Variants in TMEM74 observed in about 807,000 individuals in gnomAD.
The protein encoded by TMEM74 is transmembrane protein 74.
TMEM74 carries 13 observed loss-of-function variants against 18.1 expected under a neutral mutation model. The observed-to-expected ratio is 0.72, with a 90% CI of 0.47 to 1.14. The LOEUF (loss-of-function observed/expected upper bound fraction) is 1.14, where lower values mean the gene tolerates loss of function less well. Ranked by LOEUF, TMEM74 falls within the 50% of genes most tolerant of loss-of-function variation. The pLI, the probability that TMEM74 is intolerant of heterozygous loss-of-function variation, is 0.00. For synonymous variants in TMEM74, 159 were observed against 146.6 expected (o/e 1.08, Z -0.61); for missense variants, 372 against 375.9 (o/e 0.99, Z 0.09).
chr8:108,729,020 C>T (rs557037797), intron 1 of TMEM74, among the ~76,000 whole-genome samples: 1 of 152,198 alleles, frequency 6.6e-6, no homozygotes, highest in Non-Finnish European at 1.5e-5. Context: ...TATCAAATTA[C>T]TAAAATTTTA....
chr8:108,667,226 G>A (rs1812957670), intron 1 of TMEM74, among the ~76,000 whole-genome samples: 1 of 152,140 alleles, frequency 6.6e-6, no homozygotes, highest in Non-Finnish European at 1.5e-5. Context: ...GTAACAAGTG[G>A]TTATTCCACT....
intron 1 of TMEM74, among the ~76,000 whole-genome samples, chr8:108,690,980 G>A (rs139374515): frequency 0.011 from 1,729 of 152,282 alleles, 18 homozygotes; most frequent in Middle Eastern, 0.044. Flanking sequence ...CATGGAGGCT[G>A]GGTTTAAACC....
chr8:108,662,498 T>C (rs565365666), intron 1 of TMEM74, among the ~76,000 whole-genome samples: 69 of 152,284 alleles, frequency 4.5e-4, no homozygotes, highest in African/African-American at 1.6e-3. Context: ...TGTTACATAA[T>C]GCCCTTCGTT....
At chr8:108,691,706 A>C (rs1813232514) in intron 1 of TMEM74, among the ~76,000 whole-genome samples, 1 of 144,636 alleles carries the variant, frequency 6.9e-6, no homozygotes, top group Admixed American at 7.0e-5. Context: ...AGTCTATTGT[A>C]AAAATCTCAA....
rs182901660 is a variant in TMEM74, at chr8:108,649,571, G to T, written n.264+5722C>A. ...CAAAGGTTAAGTATCTTATTAGGTC[G>T]GTGCAAAAGTAATTGCAGTTTTGCC... On this transcript the variant is annotated intron_variant and non_coding_transcript_variant, in intron 2 of 3. Coordinates refer to the TMEM74 transcript ENST00000518838. 5.7e-4 allele frequency among the ~76,000 whole-genome samples: 86 copies of T among 152,110 alleles called. 1 individual carries two copies. Among genetic ancestry groups the T allele is most frequent in the African/African-American group, 1.9e-3 (80 of 41,488 alleles).
intron 1 of TMEM74, among the ~76,000 whole-genome samples, chr8:108,731,739 A>C (rs1308106002): frequency 6.6e-6 from 1 of 152,178 alleles, no homozygotes; most frequent in East Asian, 1.9e-4. Flanking sequence ...TATTTAAAAA[A>C]AATGTTCTTA....
At chr8:108,650,082 A>AC (rs1481658877) in intron 2 of TMEM74, among the ~76,000 whole-genome samples, 1 of 152,066 alleles carries the variant, frequency 6.6e-6, no homozygotes, top group Non-Finnish European at 1.5e-5. Flanking sequence ...CTTGAACCAC[A>AC]CTCATACTTC....
At chr8:108,737,737 A>C (rs1379765249) in intron 1 of TMEM74, among the ~76,000 whole-genome samples, 3 of 152,152 alleles carry the variant, frequency 2.0e-5, no homozygotes, top group African/African-American at 7.2e-5. Context: ...GATATAATAA[A>C]AATTCAGTAG....
intron 2 of TMEM74, among the ~76,000 whole-genome samples, chr8:108,611,085 A>G (rs1424272847): frequency 2.0e-5 from 3 of 152,210 alleles, no homozygotes; most frequent in Non-Finnish European, 4.4e-5. Context: ...TCTCTGAACA[A>G]CTATTATCCA....
At chr8:108,685,352 G>A (rs1409144522) in intron 1 of TMEM74, among the ~76,000 whole-genome samples, 1 of 151,984 alleles carries the variant, frequency 6.6e-6, no homozygotes, top group Non-Finnish European at 1.5e-5. Flanking sequence ...GAATATTTAA[G>A]TTTTTCTATA....
chr8:108,622,556 T>A (rs762410694), intron 2 of TMEM74, among the ~76,000 whole-genome samples: 7 of 152,120 alleles, frequency 4.6e-5, no homozygotes, highest in Non-Finnish European at 1.0e-4. Flanking sequence ...CCTGCTCCAC[T>A]ATTTGTGGCT....
intron 1 of TMEM74, among the ~76,000 whole-genome samples, chr8:108,696,191 A>G (rs1480268560): frequency 6.6e-6 from 1 of 152,230 alleles, no homozygotes; most frequent in Non-Finnish European, 1.5e-5. Flanking sequence ...AAGATGAGGC[A>G]TTAAAGTGGT....
intron 1 of TMEM74, among the ~76,000 whole-genome samples, chr8:108,741,090 A>T (rs1411373424): frequency 6.6e-6 from 1 of 152,222 alleles, no homozygotes; most frequent in African/African-American, 2.4e-5. Context: ...GTTGCTGAAG[A>T]CTTCGTACTG....
At chr8:108,729,713 C>A (rs948179046) in intron 1 of TMEM74, among the ~76,000 whole-genome samples, 6 of 152,218 alleles carry the variant, frequency 3.9e-5, no homozygotes, top group African/African-American at 1.2e-4. Flanking sequence ...TCTTCCCTTT[C>A]CATTTCATTT....
At chr8:108,684,707 T>C (rs1220619136) in intron 1 of TMEM74, among the ~76,000 whole-genome samples, 1 of 147,828 alleles carries the variant, frequency 6.8e-6, no homozygotes, top group Non-Finnish European at 1.5e-5. Flanking sequence ...TTTTTTTTTA[T>C]CATTTTGGGT....
At chr8:108,653,784 G>A (rs2130573701) in intron 2 of TMEM74, among the ~76,000 whole-genome samples, 1 of 152,134 alleles carries the variant, frequency 6.6e-6, no homozygotes, top group South Asian at 2.1e-4. Context: ...CATCTATTTT[G>A]GTTATGTGCA....
At chr8:108,773,746 T>C (rs1319818562) in intron 1 of TMEM74, among the ~76,000 whole-genome samples, 1 of 152,118 alleles carries the variant, frequency 6.6e-6, no homozygotes, top group Non-Finnish European at 1.5e-5. Context: ...CAAGACCTCC[T>C]GCCAACAGCC....
At chr8:108,769,369 T>C (rs1218807775) in intron 1 of TMEM74, among the ~76,000 whole-genome samples, 2 of 152,050 alleles carry the variant, frequency 1.3e-5, no homozygotes, top group African/African-American at 4.8e-5. Context: ...TTCAAAGTCC[T>C]TCAACCATCT....
intron 1 of TMEM74, among the ~76,000 whole-genome samples, chr8:108,765,245 C>T (rs1365251531): frequency 2.0e-5 from 3 of 152,082 alleles, no homozygotes; most frequent in Non-Finnish European, 2.9e-5. Context: ...TCTGACAAAC[C>T]TGCCTTACTT....
Sources: gnomAD v4.1 joint callset for allele counts (sites outside exome capture counted in the v4.1 genomes callset) on GRCh38, gnomAD v4.1.1 for gene constraint, MANE v1.5 for transcripts, NCBI Gene and HGNC (gene_info 2026-07-23, HGNC 2026-07-21) for gene names.